CNTNAP5: variants seen among roughly 807,000 people sequenced by gnomAD.
The protein encoded by CNTNAP5 is contactin associated protein family member 5.
Under a neutral mutation model 150.2 loss-of-function variants are expected in CNTNAP5, and 72 were observed. The ratio of observed to expected loss-of-function variants is 0.48; its 90% CI spans 0.40 to 0.58. The LOEUF is 0.58. Ranked by LOEUF, CNTNAP5 falls within the 20% of genes least tolerant of loss-of-function variation. The pLI is 0.00. For synonymous variants in CNTNAP5, 672 were observed against 619.8 expected (o/e 1.08, Z -1.25); for missense variants, 1,636 against 1,626.2 (o/e 1.01, Z -0.10).
chr2:124,163,862 A>AG (rs1415730168), intron 1 of CNTNAP5, among the ~76,000 whole-genome samples: 1 of 10,210 alleles, frequency 9.8e-5, no homozygotes, highest in African/African-American at 1.2e-4. Flanking sequence ...CATGCCTCTA[A>AG]GAAAAAAAAA....
At chr2:124,120,646 C>T (rs1226920042) in intron 1 of CNTNAP5, among the ~76,000 whole-genome samples, 2 of 152,112 alleles carry the variant, frequency 1.3e-5, no homozygotes, top group Non-Finnish European at 2.9e-5. Context: ...GACAGAACCT[C>T]GACTGCAATG....
chr2:124,828,257 G>A (rs546382679), intron 19 of CNTNAP5, among the ~76,000 whole-genome samples: 12 of 152,216 alleles, frequency 7.9e-5, no homozygotes, highest in East Asian at 1.9e-4. Flanking sequence ...CGAGACGGGC[G>A]GATCACGAGG....
intron 14 of CNTNAP5, among the ~76,000 whole-genome samples, chr2:124,758,455 GTC>G (rs577538785): frequency 6.6e-6 from 1 of 151,300 alleles, no homozygotes; most frequent in African/African-American, 2.4e-5. Context: ...GTGTCTGTGT[GTC>G]TGTGTGTAGC....
chr2:124,312,974 G>A (rs1367723049), intron 3 of CNTNAP5, among the ~76,000 whole-genome samples: 1 of 152,188 alleles, frequency 6.6e-6, no homozygotes, highest in Admixed American at 6.5e-5. Context: ...CAAAATGTTG[G>A]GATTACAGGC....
intron 19 of CNTNAP5, among the ~76,000 whole-genome samples, chr2:124,802,508 A>G (rs1160758853): frequency 1.3e-5 from 2 of 152,168 alleles, no homozygotes; most frequent in Non-Finnish European, 1.5e-5. Context: ...GAGGTCACAG[A>G]GTTGTTAGGA....
intron 1 of CNTNAP5, among the ~76,000 whole-genome samples, chr2:124,147,718 C>G (rs993429144): frequency 6.6e-6 from 1 of 152,210 alleles, no homozygotes; most frequent in Non-Finnish European, 1.5e-5. Flanking sequence ...TTGGGAGCCT[C>G]CTGTCACCAA....
chr2:124,566,156 C>T (rs544282918), intron 11 of CNTNAP5, among the ~76,000 whole-genome samples: 1 of 149,306 alleles, frequency 6.7e-6, no homozygotes, highest in Admixed American at 6.7e-5. Context: ...ATAAGGCTGT[C>T]CAGATTGTAA....
chr2:124,371,614 T>C (rs1471549001), intron 3 of CNTNAP5, among the ~76,000 whole-genome samples: 2 of 152,076 alleles, frequency 1.3e-5, no homozygotes, highest in Non-Finnish European at 2.9e-5. Context: ...TTCCTAAATT[T>C]TGGGGACTCT....
chr2:124,030,575 T>C (rs1681018786), intron 1 of CNTNAP5, among the ~76,000 whole-genome samples: 1 of 152,076 alleles, frequency 6.6e-6, no homozygotes, highest in African/African-American at 2.4e-5. Context: ...TTCTTTATGG[T>C]TAATTTCTGT....
At chr2:124,191,752 T>C (rs111864966) in intron 1 of CNTNAP5, among the ~76,000 whole-genome samples, 64 of 152,032 alleles carry the variant, frequency 4.2e-4, no homozygotes, top group African/African-American at 1.5e-3. Flanking sequence ...TCATCTCTAC[T>C]AGAAATACAA....
intron 1 of CNTNAP5, among the ~76,000 whole-genome samples, chr2:124,050,701 G>A (rs1187199141): frequency 1.3e-5 from 2 of 152,056 alleles, no homozygotes; most frequent in Non-Finnish European, 2.9e-5. Context: ...GAGCAGTTTG[G>A]GCACCTGGTT....
At chr2:124,027,473 G>T (rs574799561) in intron 1 of CNTNAP5, among the ~76,000 whole-genome samples, 3 of 152,190 alleles carry the variant, frequency 2.0e-5, no homozygotes, top group Admixed American at 6.5e-5. Context: ...TACTCCACAC[G>T]CATATGGCTG....
chr2:124,749,369 C>G (rs1451580530), intron 14 of CNTNAP5, among the ~76,000 whole-genome samples: 1 of 146,566 alleles, frequency 6.8e-6, no homozygotes, highest in African/African-American at 2.5e-5. Flanking sequence ...CTCCGTCCTT[C>G]CCTCTCTCCC....
rs57683456 is a variant in CNTNAP5, at chr2:124,337,784, G to A, written c.382-79659G>A. Among the ~76,000 whole-genome samples the A allele has an allele frequency of 3.1e-4, 46 of 150,524 alleles. No homozygotes were observed. In the East Asian group the frequency reaches 9.0e-3, roughly 30 times the overall value. ...CTGTTTTGGTTACTGTAGCCTTGTA[G>A]TATAGTTTGAAGTCAGGTAGTGTGA... On this transcript the variant is annotated intron_variant, in intron 3 of 23. Coordinates refer to ENST00000682447, the MANE Select transcript of CNTNAP5 (RefSeq NM_001367498.1).
At chr2:124,713,296 T>C (rs377153621) in intron 13 of CNTNAP5, among the ~76,000 whole-genome samples, 1 of 128,600 alleles carries the variant, frequency 7.8e-6, no homozygotes, top group Non-Finnish European at 1.7e-5. Flanking sequence ...TTTCTTTCTT[T>C]CTTTCTTCTT....
rs544016234 is a variant in CNTNAP5, at chr2:124,046,433, G to GGA, written c.82+20701_82+20702insGA. On this transcript the variant is annotated intron_variant, in intron 1 of 23. Coordinates refer to ENST00000682447, the MANE Select transcript of CNTNAP5 (RefSeq NM_001367498.1). ...CCCTGAGATCTGCTCACAAAAGAGAGAAAAAAAAAAAAAAAACAGAGAATA... is the reference window on the plus strand; with the variant it reads ...CCCTGAGATCTGCTCACAAAAGAGAGGAAAAAAAAAAAAAAAAACAGAGAATA... Among the ~76,000 whole-genome samples the GGA allele has an allele frequency of 2.2e-4, 30 of 134,600 alleles. 1 individual carries two copies. The South Asian group carries it at 5.7e-3, about 26-fold the overall frequency. 88.3% of individuals were successfully genotyped at this position (134,600 alleles called of 152,430 possible).
At chr2:124,744,976 G>C (rs1558759245) in intron 13 of CNTNAP5, among the ~76,000 whole-genome samples, 1 of 152,236 alleles carries the variant, frequency 6.6e-6, no homozygotes, top group East Asian at 1.9e-4. Flanking sequence ...TGCTTGTTGA[G>C]AGTCATTTGG....
At chr2:124,631,208 A>G (rs1677850886) in intron 12 of CNTNAP5, among the ~76,000 whole-genome samples, 1 of 152,104 alleles carries the variant, frequency 6.6e-6, no homozygotes, top group South Asian at 2.1e-4. Flanking sequence ...GTTCTTCACA[A>G]AATTACAAAT....
intron 13 of CNTNAP5, among the ~76,000 whole-genome samples, chr2:124,698,404 A>G (rs1304931286): frequency 6.6e-6 from 1 of 151,066 alleles, no homozygotes; most frequent in Non-Finnish European, 1.5e-5. Context: ...ACACACACAC[A>G]CACGTTTGCT....
Sources: gnomAD v4.1 joint callset for allele counts (sites outside exome capture counted in the v4.1 genomes callset) on GRCh38, gnomAD v4.1.1 for gene constraint, MANE v1.5 for transcripts, NCBI Gene and HGNC (gene_info 2026-07-23, HGNC 2026-07-21) for gene names.